The following CUEDC1 variants were observed in gnomAD, a reference collection of about 807,000 sequenced individuals.
CUEDC1 encodes the protein CUE domain containing 1.
Under a neutral mutation model 43.7 loss-of-function variants are expected in CUEDC1, and 30 were observed. That is an observed-to-expected ratio of 0.69 (90% confidence interval 0.51 to 0.93). The LOEUF (loss-of-function observed/expected upper bound fraction) is 0.93, where lower values mean the gene tolerates loss of function less well. Ranked by LOEUF, CUEDC1 falls within the 40% of genes least tolerant of loss-of-function variation. The pLI, the probability that CUEDC1 is intolerant of heterozygous loss-of-function variation, is 0.00. For synonymous variants in CUEDC1, 223 were observed against 223.6 expected, an observed-to-expected ratio of 1.00 and a Z score of 0.02; for missense variants, 486 against 549.0, an observed-to-expected ratio of 0.89 and a Z score of 1.15.
At chr17:57,919,459 C>T (rs1374621555) in intron 1 of CUEDC1, among the ~76,000 whole-genome samples, 3 of 152,126 alleles carry the variant, frequency 2.0e-5, no homozygotes, top group Non-Finnish European at 2.9e-5. Context: ...GGATTACAGG[C>T]GTGTGCCCGG....
In CUEDC1 at chr17:57,902,698, G is replaced by A. The variant is rs565621328; in HGVS notation, c.-315-16819C>T. Among the ~76,000 whole-genome samples the A allele has an allele frequency of 2.1e-3, 318 of 152,294 alleles. 1 individual carries two copies. The highest frequency in any genetic ancestry group is 7.6e-3 in the African/African-American group (314 of 41,568). On this transcript the variant is annotated intron_variant, in intron 1 of 10. Transcript: ENST00000577830. Reference sequence around the variant, plus strand: ...ACTGTCCACAATGATTGTGCTTTACGTGTGCACAGCACTCAACAGCTTAAG... The same window carrying A: ...ACTGTCCACAATGATTGTGCTTTACATGTGCACAGCACTCAACAGCTTAAG...
intron 1 of CUEDC1, among the ~76,000 whole-genome samples, chr17:57,909,629 T>G (rs1053423515): frequency 5.9e-5 from 9 of 152,224 alleles, no homozygotes; most frequent in Non-Finnish European, 1.0e-4. Context: ...AGAGAGAAGC[T>G]GGGGTCCAGC....
chr17:57,949,089 G>C (rs572097531), intron 1 of CUEDC1, among the ~76,000 whole-genome samples: 46 of 152,130 alleles, frequency 3.0e-4, no homozygotes, highest in Non-Finnish European at 5.9e-4. Context: ...GTTCACCAAG[G>C]GGGAGAACAA....
rs113331946 is a variant in CUEDC1 at position 57,890,965 on chromosome 17, G to C, written c.-315-5086C>G. Among the ~76,000 whole-genome samples, 1,276 of 152,292 alleles carry C rather than the reference G, an allele frequency of 8.4e-3. 14 individuals carry two copies. The highest frequency in any genetic ancestry group is 0.029 in the African/African-American group (1,203 of 41,550). ...CATAGGGGAGGAGTATTAATAGAAC[G>C]TACATGGGTACCTGGCGTATAATAA... is the stretch of plus-strand genomic sequence containing the variant. On this transcript the variant is annotated intron_variant, in intron 1 of 10. Coordinates refer to ENST00000577830, the MANE Select transcript of CUEDC1 (RefSeq NM_001271875.2).
intron 3 of CUEDC1, 150 bp from the exon 4 acceptor site, chr17:57,873,867 G>C: frequency 5.2e-6 from 4 of 772,842 alleles, no homozygotes; most frequent in South Asian, 5.0e-5. Flanking sequence ...CCGTCACTCT[G>C]TCTCATCACT....
intron 1 of CUEDC1, among the ~76,000 whole-genome samples, chr17:57,919,683 T>C (rs2074680492): frequency 6.6e-6 from 1 of 152,140 alleles, no homozygotes. Flanking sequence ...GCACTAGACC[T>C]GAAACCTGGG....
At chr17:57,890,562 A>G (rs1373703829) in intron 1 of CUEDC1, among the ~76,000 whole-genome samples, 1 of 152,126 alleles carries the variant, frequency 6.6e-6, no homozygotes, top group East Asian at 1.9e-4. Context: ...GGAAGCAGAA[A>G]CCCCACACCT....
chr17:57,896,240 T>A (rs1387794843), intron 1 of CUEDC1, among the ~76,000 whole-genome samples: 1 of 152,116 alleles, frequency 6.6e-6, no homozygotes, highest in Non-Finnish European at 1.5e-5. Flanking sequence ...GCAACTGTGT[T>A]GAGTATGGGC....
At chr17:57,884,698 T>C (rs977832896) in intron 2 of CUEDC1, among the ~76,000 whole-genome samples, 2 of 152,238 alleles carry the variant, frequency 1.3e-5, no homozygotes, top group African/African-American at 4.8e-5. Context: ...AGCTTAGGGT[T>C]TCGGCTTAGC....
At chr17:57,870,697 G>A (rs182166086) in intron 6 of CUEDC1, among the ~76,000 whole-genome samples, 3 of 148,932 alleles carry the variant, frequency 2.0e-5, no homozygotes, top group Admixed American at 6.7e-5. Flanking sequence ...TTTTTTTGGA[G>A]ACAGGGTCTC....
intron 1 of CUEDC1, among the ~76,000 whole-genome samples, chr17:57,906,789 T>G (rs1043258226): frequency 2.0e-5 from 3 of 151,724 alleles, no homozygotes; most frequent in African/African-American, 7.3e-5. Context: ...CTGGCCAACA[T>G]AGTGAAACCT....
chr17:57,871,861 T>C (rs1474963197), intron 5 of CUEDC1, among the ~76,000 whole-genome samples: 2 of 152,120 alleles, frequency 1.3e-5, no homozygotes, highest in Non-Finnish European at 2.9e-5. Flanking sequence ...GAGGCGGAGG[T>C]TGCAGTGAGC....
Position 57,930,800 on chromosome 17 carries a change from G to T in CUEDC1, c.-316+24425C>A, listed in dbSNP as rs370023104. Among the ~76,000 whole-genome samples the T allele has an allele frequency of 6.6e-6, 1 of 152,174 alleles. No individual in the cohort carries two copies. On this transcript the variant is annotated intron_variant, in intron 1 of 10. Transcript: ENST00000577830. This position sits in a 1 kb window ranked among gnomAD's most constrained non-coding sequence, Gnocchi z 4.2. ...GGGCAGAAATGACCCCTCTGTGACC[G>T]CTCCTGTAGCCAGAAAGAGCCACAA...
chr17:57,885,375 C>G lies in CUEDC1; in HGVS notation c.190G>C (p.Asp64His). The change falls in exon 2 of 11, where the codon GAC becomes CAC. Residue 64 changes from aspartate to histidine, a missense_variant. Coordinates refer to ENST00000577830, the MANE Select transcript of CUEDC1 (RefSeq NM_001271875.2). ...FKTMFPNMDY[D>H]IIECVLRANS... ...GCGCGCAGCACGCATTCGATGATGT[C>G]GTAATCCATGTTGGGGAACATGGTC... is the stretch of plus-strand genomic sequence containing the variant. The G allele has an allele frequency of 6.2e-7, 1 of 1,612,064 alleles. No individual in the cohort carries two copies. The highest frequency in any genetic ancestry group is 8.5e-7 in the Non-Finnish European group (1 of 1,179,684).
intron 1 of CUEDC1, among the ~76,000 whole-genome samples, chr17:57,896,730 T>C (rs1481972496): frequency 1.3e-5 from 2 of 151,546 alleles, no homozygotes; most frequent in African/African-American, 4.8e-5. Context: ...ATTAAAGTAA[T>C]AGCATTGCCA....
intron 2 of CUEDC1, among the ~76,000 whole-genome samples, chr17:57,884,175 C>T (rs1382086558): frequency 2.0e-5 from 3 of 150,392 alleles, no homozygotes; most frequent in Non-Finnish European, 4.4e-5. Flanking sequence ...AGGATACAGC[C>T]GCACTCTTTT....
intron 4 of CUEDC1, 26 bp downstream of exon 4, chr17:57,873,565 T>G (rs1597972478): frequency 6.6e-7 from 1 of 1,516,960 alleles, no homozygotes; most frequent in Non-Finnish European, 8.9e-7. Context: ...CAGGTGGGAG[T>G]GGAAGGCGGG....
Position 57,954,253 on chromosome 17 carries a change from G to A in CUEDC1, c.-316+972C>T, listed in dbSNP as rs888964250. The stretch of plus-strand genomic sequence containing the variant: ...TGACTGCGGATCAGGTGGGGAGCAC[G>A]GTGGATGGTCTTCTTGTATCCTCTA... On this transcript the variant is annotated intron_variant, in intron 1 of 10. Coordinates refer to ENST00000577830, the MANE Select transcript of CUEDC1 (RefSeq NM_001271875.2). This position sits in a 1 kb window ranked among gnomAD's most constrained non-coding sequence, Gnocchi z 4.3. Among the ~76,000 whole-genome samples, 2 of 152,102 alleles carry A rather than the reference G, an allele frequency of 1.3e-5. No homozygotes were observed. The highest frequency in any genetic ancestry group is 6.5e-5 in the Admixed American group (1 of 15,272).
intron 1 of CUEDC1, 92 bp from the exon 2 acceptor site, chr17:57,885,971 A>G (rs2685505): frequency 0.66 from 106,971 of 162,222 alleles, 35,838 homozygotes; most frequent in East Asian, 1. Context: ...AGGGCAGGGA[A>G]CCGCGACCCC....
Sources: gnomAD v4.1 joint callset for allele counts (sites outside exome capture counted in the v4.1 genomes callset) on GRCh38, gnomAD v4.1.1 for gene constraint, Gnocchi (gnomAD v3.1) non-coding constraint, MANE v1.5 for transcripts, NCBI Gene and HGNC (gene_info 2026-07-23, HGNC 2026-07-21) for gene names.